Variants in RNF43 observed in about 807,000 individuals in gnomAD.
The protein encoded by RNF43 is ring finger protein 43.
Under a neutral mutation model 78.4 loss-of-function variants are expected in RNF43, and 37 were observed. The ratio of observed to expected loss-of-function variants is 0.47; its 90% CI spans 0.36 to 0.62. The LOEUF (loss-of-function observed/expected upper bound fraction) is 0.62. RNF43 is among the 20% of genes least tolerant of loss of function. The pLI is 0.00. For missense variants in RNF43, 774 were observed against 1,007.9 expected, an observed-to-expected ratio of 0.77 and a Z score of 3.14; for synonymous variants, 347 against 395.0, an observed-to-expected ratio of 0.88 and a Z score of 1.44.
At chr17:58,384,357 G>A (rs958297264) in intron 2 of RNF43, among the ~76,000 whole-genome samples, 2 of 152,154 alleles carry the variant, frequency 1.3e-5, no homozygotes, top group East Asian at 3.9e-4. Flanking sequence ...AAATTCCTGG[G>A]TTGAGAGTTC....
chr17:58,375,030 G>A (rs917640406), intron 2 of RNF43, among the ~76,000 whole-genome samples: 4 of 151,910 alleles, frequency 2.6e-5, no homozygotes, highest in African/African-American at 9.7e-5. Context: ...CCAATCAATC[G>A]CCAAATTCTA....
chr17:58,410,156 T>C (rs1439963069), intron 2 of RNF43, among the ~76,000 whole-genome samples: 1 of 152,156 alleles, frequency 6.6e-6, no homozygotes, highest in African/African-American at 2.4e-5. Context: ...GGATACAAAT[T>C]TTTGTTGAAG....
At chr17:58,362,203 C>A (rs2526373) in intron 6 of RNF43, among the ~76,000 whole-genome samples, 2 of 151,990 alleles carry the variant, frequency 1.3e-5, no homozygotes, top group African/African-American at 4.8e-5. Context: ...CCATCTAAAA[C>A]ATTATAGATT....
At chr17:58,411,344 T>C (rs1234661829) in intron 2 of RNF43, among the ~76,000 whole-genome samples, 1 of 152,142 alleles carries the variant, frequency 6.6e-6, no homozygotes. Context: ...AGACACTTTG[T>C]CAACTATAGT....
chr17:58,356,026 G>A (rs1317988377), intron 9 of RNF43, among the ~76,000 whole-genome samples: 1 of 152,232 alleles, frequency 6.6e-6, no homozygotes, highest in East Asian at 1.9e-4. Context: ...CTGAGTTTGA[G>A]AGAAAAGGGA....
In RNF43 at chr17:58,354,997, A is replaced by G. The variant is rs1449213842; in HGVS notation, c.2309-11T>C. 6.2e-7 allele frequency: 1 copy of G among 1,613,416 alleles called. No individual in the cohort carries two copies. Among genetic ancestry groups the G allele is most frequent in the Non-Finnish European group, 8.5e-7 (1 of 1,179,670 alleles). ...GTTCCTCCTCTGAGCCTGTATTTAG[A>G]GAGCGGGGAGGAAAGAGGTCATTGA... On this transcript the variant is annotated splice_polypyrimidine_tract_variant and intron_variant, in intron 9 of 9. Transcript: ENST00000407977.
chr17:58,363,051 G>A (rs1567876603), intron 5 of RNF43: 3 of 585,764 alleles, frequency 5.1e-6, no homozygotes, highest in East Asian at 2.8e-5. Context: ...CCACAGAGCT[G>A]TAAAGAACTT....
intron 2 of RNF43, among the ~76,000 whole-genome samples, chr17:58,381,531 G>A (rs1023261592): frequency 6.6e-6 from 1 of 152,190 alleles, no homozygotes; most frequent in Non-Finnish European, 1.5e-5. Context: ...TCCAGGCAGG[G>A]GATAAAAGAA....
chr17:58,414,103 T>C (rs1974079366), intron 2 of RNF43, among the ~76,000 whole-genome samples: 1 of 152,232 alleles, frequency 6.6e-6, no homozygotes, highest in African/African-American at 2.4e-5. Context: ...TACTCTTCTT[T>C]CCTATTTTTC....
intron 9 of RNF43, among the ~76,000 whole-genome samples, chr17:58,356,338 T>G (rs1473196670): frequency 6.6e-6 from 1 of 152,228 alleles, no homozygotes; most frequent in Non-Finnish European, 1.5e-5. Context: ...GACCTTTGTG[T>G]CACCTCCTGG....
intron 2 of RNF43, among the ~76,000 whole-genome samples, chr17:58,384,235 G>C (rs1266339098): frequency 1.3e-5 from 2 of 152,238 alleles, no homozygotes; most frequent in African/African-American, 2.4e-5. Flanking sequence ...CAGTTATCAA[G>C]TTGGCTCTGA....
In RNF43 at chr17:58,358,743, G is replaced by A. The variant is rs1320791948; in HGVS notation, c.1033C>T (p.His345Tyr). Reference sequence around the variant, plus strand: ...AGGTGGTAGTGGGCATGGCCGGGATGCTGGCGAATGAGGTGGAGTCTTCGA... The same window carrying A: ...AGGTGGTAGTGGGCATGGCCGGGATACTGGCGAATGAGGTGGAGTCTTCGA... ...PGRRLHLIRQHPGHAHYHLPA... is the reference protein window; with the variant it reads ...PGRRLHLIRQYPGHAHYHLPA... The change falls in exon 9 of 10, where the codon CAT becomes TAT. Residue 345 changes from histidine (H) to tyrosine (Y), a missense_variant. Physicochemically the swap from His to Tyr is moderately conservative, Grantham distance 83 (BLOSUM62 2). Transcript: ENST00000407977. This position sits in a 1 kb window ranked among gnomAD's most constrained non-coding sequence, Gnocchi z 6.2. The A allele has an allele frequency of 6.4e-7, 1 of 1,561,086 alleles. No homozygotes were observed. The highest frequency in any genetic ancestry group is 8.7e-7 in the Non-Finnish European group (1 of 1,151,076).
chr17:58,399,420 AGAGTCTTAGAGACTTGC>A (rs3837804), intron 2 of RNF43, among the ~76,000 whole-genome samples: 28,122 of 152,132 alleles, frequency 0.18, 2,708 homozygotes, highest in Non-Finnish European at 0.2. Flanking sequence ...TAGGGAACTG[AGAGTCTTAGAGACTTGC>A]GGGATAATTT....
chr17:58,413,844 T>C (rs185389712), intron 2 of RNF43, among the ~76,000 whole-genome samples: 1 of 152,292 alleles, frequency 6.6e-6, no homozygotes, highest in Admixed American at 6.5e-5. Context: ...AGGTTATCAA[T>C]AAGGCACGTA....
intron 2 of RNF43, among the ~76,000 whole-genome samples, chr17:58,381,037 C>G (rs1225842014): frequency 6.6e-6 from 1 of 152,162 alleles, no homozygotes; most frequent in Non-Finnish European, 1.5e-5. Flanking sequence ...TCGGCTAGTC[C>G]CAGTCCCCAG....
rs1972750746 is a variant in RNF43 at position 58,358,452 on chromosome 17, C to T, written c.1324G>A (p.Asp442Asn). 1.2e-6 allele frequency: 2 copies of T among 1,613,862 alleles called. No homozygotes were observed. Among genetic ancestry groups the T allele is most frequent in the Non-Finnish European group, 1.7e-6 (2 of 1,179,956 alleles). ...TAGCTTTCTCCAGATCCACTGCTGTCAGGGGGCCTGGCCCGGCGTAGGGGC... is the reference window on the plus strand; with the variant it reads ...TAGCTTTCTCCAGATCCACTGCTGTTAGGGGGCCTGGCCCGGCGTAGGGGC... ...PVPLRRARPP[D>N]SSGSGESYCT... The change falls in exon 9 of 10, where the codon GAC (aspartate) becomes AAC (asparagine). Residue 442 changes from aspartate to asparagine, a missense_variant. By Grantham distance (23) the Asp-to-Asn change is conservative (BLOSUM62 1). Transcript: ENST00000407977. This position sits in a 1 kb window ranked among gnomAD's most constrained non-coding sequence, Gnocchi z 6.2.
At position 58,370,895 on chromosome 17, in the gene RNF43, C is replaced by A. The variant is rs753268203; in HGVS notation, c.375+16G>T. 1 of 1,580,990 alleles carries A rather than the reference C, an allele frequency of 6.3e-7. No homozygotes were observed. Among genetic ancestry groups the A allele is most frequent in the Non-Finnish European group, 8.6e-7 (1 of 1,162,204 alleles). On this transcript the variant is annotated intron_variant, in intron 3 of 9. Coordinates refer to ENST00000407977, the MANE Select transcript of RNF43 (RefSeq NM_017763.6). ...GGTGAAGCTCCGGGTGTGTGTAGGGCGAAGTGTGAGTCTACCTTGCTAGCC... is the reference window on the plus strand; with the variant it reads ...GGTGAAGCTCCGGGTGTGTGTAGGGAGAAGTGTGAGTCTACCTTGCTAGCC...
chr17:58,392,910 G>T (rs149688070), intron 2 of RNF43, among the ~76,000 whole-genome samples: 99 of 152,308 alleles, frequency 6.5e-4, no homozygotes, highest in African/African-American at 2.2e-3. Flanking sequence ...TCTTCTTTGG[G>T]TTATCTACCT....
chr17:58,362,203 C>T (rs2526373), intron 6 of RNF43, among the ~76,000 whole-genome samples: 6,777 of 152,090 alleles, frequency 0.045, 520 homozygotes, highest in African/African-American at 0.15. Flanking sequence ...CCATCTAAAA[C>T]ATTATAGATT....
Sources: allele counts gnomAD v4.1 joint callset (sites outside exome capture counted in the v4.1 genomes callset), GRCh38; gene constraint gnomAD v4.1.1; non-coding constraint Gnocchi (gnomAD v3.1); transcripts MANE v1.5; gene names NCBI Gene and HGNC (gene_info 2026-07-23, HGNC 2026-07-21).